The following DCAF8L2 variants were observed in gnomAD, a reference collection of about 807,000 sequenced individuals.
DCAF8L2 encodes the protein DDB1- and CUL4-associated factor 8-like protein 2.
For missense variants in DCAF8L2, 430 were observed against 490.7 expected (o/e 0.88, Z 1.17); for synonymous variants, 200 against 190.9 (o/e 1.05, Z -0.39).
intron 1 of DCAF8L2, among the ~76,000 whole-genome samples, chrX:27,617,624 CT>C: frequency 9.0e-6 from 1 of 110,770 alleles, no homozygotes; most frequent in Non-Finnish European, 1.9e-5. Context: ...ATTATTATCC[CT>C]TTTTATAAGT....
chrX:27,549,054 T>C, the DCAF8L2 span, among the ~76,000 whole-genome samples: 2 of 112,194 alleles, frequency 1.8e-5, no homozygotes, highest in African/African-American at 6.5e-5. Flanking sequence ...GAAAGTGTTC[T>C]TAATTCTCTC....
the DCAF8L2 span, among the ~76,000 whole-genome samples, chrX:27,513,195 T>A: frequency 8.9e-6 from 1 of 111,989 alleles, no homozygotes; most frequent in East Asian, 2.8e-4. Context: ...AAGGATATTT[T>A]GTGTAAGACC....
intron 4 of DCAF8L2, among the ~76,000 whole-genome samples, chrX:27,722,718 G>C (rs1242560391): frequency 9.0e-6 from 1 of 110,617 alleles, no homozygotes; most frequent in Non-Finnish European, 1.9e-5. Context: ...TTGTGTTCCA[G>C]ATAAAAGCAG....
At chrX:27,619,749 A>C (rs1300175781) in intron 1 of DCAF8L2, among the ~76,000 whole-genome samples, 1 of 111,636 alleles carries the variant, frequency 9.0e-6, no homozygotes, top group Non-Finnish European at 1.9e-5. Flanking sequence ...CAAATTCCTG[A>C]AAAACCAACT....
the DCAF8L2 span, among the ~76,000 whole-genome samples, chrX:27,506,384 G>T: frequency 9.0e-6 from 1 of 111,646 alleles, no homozygotes; most frequent in Admixed American, 9.6e-5. Flanking sequence ...TTTAAATATT[G>T]TGTTAGTTTT....
At position 27,747,930 on chromosome X, in the gene DCAF8L2, C is replaced by T. The variant is rs768160600; in HGVS notation, c.1035C>T (p.Thr345=). ...CAGGTGAAGATGCTGTTGTCTTCAC[C>T]ATTGACCTCAGACAAGACCGGCCAG... ...LTSGEDAVVF[T]IDLRQDRPAS... The change falls in exon 5 of 5, where the codon ACC becomes ACT. Residue 345 remains threonine (T), a synonymous_variant. Transcript: ENST00000451261. 2.5e-6 allele frequency: 3 copies of T among 1,211,664 alleles called. No homozygotes were observed. The Admixed American group carries it at 6.5e-5, about 26-fold the overall frequency.
At chrX:27,598,882 G>A (rs1248603281) in intron 1 of DCAF8L2, among the ~76,000 whole-genome samples, 1 of 108,587 alleles carries the variant, frequency 9.2e-6, no homozygotes, top group Non-Finnish European at 1.9e-5. Context: ...TAAGGATGTG[G>A]AGAAAGGAAA....
At chrX:27,678,200 A>G (rs1302194834) in intron 3 of DCAF8L2, among the ~76,000 whole-genome samples, 2 of 111,734 alleles carry the variant, frequency 1.8e-5, no homozygotes, top group Non-Finnish European at 3.8e-5. Flanking sequence ...GTTTTATTTT[A>G]TTTTATTTTG....
the DCAF8L2 span, among the ~76,000 whole-genome samples, chrX:27,553,187 A>G: frequency 2.7e-5 from 3 of 111,622 alleles, no homozygotes; most frequent in African/African-American, 9.8e-5. Flanking sequence ...AATTTTCTAT[A>G]TATATGACCA....
At chrX:27,580,214 G>A in the DCAF8L2 span, among the ~76,000 whole-genome samples, 1 of 110,742 alleles carries the variant, frequency 9.0e-6, no homozygotes, top group Non-Finnish European at 1.9e-5. Context: ...TCCTTACAAG[G>A]CCCTTGTCAC....
intron 3 of DCAF8L2, among the ~76,000 whole-genome samples, chrX:27,688,545 A>G (rs1930591325): frequency 1.8e-5 from 2 of 110,619 alleles, no homozygotes; most frequent in African/African-American, 6.8e-5. Flanking sequence ...ATTTAATATG[A>G]TGACCATCTA....
chrX:27,472,140 C>A, the DCAF8L2 span, among the ~76,000 whole-genome samples: 1 of 111,461 alleles, frequency 9.0e-6, no homozygotes, highest in Non-Finnish European at 1.9e-5. Flanking sequence ...AGACACATCA[C>A]CATTCTCTTT....
the DCAF8L2 span, among the ~76,000 whole-genome samples, chrX:27,541,446 G>A: frequency 9.4e-6 from 1 of 105,926 alleles, no homozygotes; most frequent in East Asian, 3.0e-4. Flanking sequence ...CTCAGCTCAC[G>A]GCAACCTCCA....
At chrX:27,625,630 C>T (rs1569164172) in intron 1 of DCAF8L2, among the ~76,000 whole-genome samples, 1 of 111,902 alleles carries the variant, frequency 8.9e-6, no homozygotes, top group Non-Finnish European at 1.9e-5. Context: ...TAACAGTAGA[C>T]TGGATAAAGA....
At chrX:27,693,694 T>A (rs1385504522) in intron 3 of DCAF8L2, among the ~76,000 whole-genome samples, 1 of 111,618 alleles carries the variant, frequency 9.0e-6, no homozygotes, top group Non-Finnish European at 1.9e-5. Flanking sequence ...TAGCTATTAT[T>A]AAAAAGTTAA....
At chrX:27,500,186 G>A in the DCAF8L2 span, among the ~76,000 whole-genome samples, 2,585 of 111,275 alleles carry the variant, frequency 0.023, 87 homozygotes, top group African/African-American at 0.08. Context: ...CAATTGTCTC[G>A]TAATACAAAT....
chrX:27,565,503 G>A, the DCAF8L2 span, among the ~76,000 whole-genome samples: 3 of 111,863 alleles, frequency 2.7e-5, no homozygotes, highest in African/African-American at 9.8e-5. Context: ...AGGGATTTTG[G>A]TCTGTAGTTT....
chrX:27,576,085 T>C, the DCAF8L2 span, among the ~76,000 whole-genome samples: 5 of 112,613 alleles, frequency 4.4e-5, no homozygotes, highest in Non-Finnish European at 9.4e-5. Context: ...TAATACATCT[T>C]CATTAATAAG....
At chrX:27,597,693 T>G (rs1001358210) in intron 1 of DCAF8L2, among the ~76,000 whole-genome samples, 2 of 112,376 alleles carry the variant, frequency 1.8e-5, no homozygotes, top group Non-Finnish European at 3.8e-5. Flanking sequence ...CAATTCTTTA[T>G]GCAGTACACC....
Sources: allele counts gnomAD v4.1 joint callset (sites outside exome capture counted in the v4.1 genomes callset), GRCh38; gene constraint gnomAD v4.1.1; transcripts MANE v1.5; gene names NCBI Gene and HGNC (gene_info 2026-07-23, HGNC 2026-07-21).